The following ASXL3 variants were observed in gnomAD, a reference collection of about 807,000 sequenced individuals.
ASXL3 encodes ASXL transcriptional regulator 3.
A neutral mutation model predicts 170.6 loss-of-function variants in ASXL3; 34 were observed. The ratio of observed to expected loss-of-function variants is 0.20; its 90% CI spans 0.15 to 0.27. The LOEUF (loss-of-function observed/expected upper bound fraction) is 0.27, where lower values mean the gene tolerates loss of function less well. Ranked by LOEUF, ASXL3 falls within the 10% of genes least tolerant of loss-of-function variation. The pLI, the probability that ASXL3 is intolerant of heterozygous loss-of-function variation, is 1.00. For missense variants in ASXL3, 2,592 were observed against 2,695.3 expected (o/e 0.96, Z 0.85); for synonymous variants, 1,002 against 989.1 (o/e 1.01, Z -0.24).
intron 8 of ASXL3, among the ~76,000 whole-genome samples, chr18:33,688,545 A>G (rs568023983): frequency 2.0e-4 from 30 of 152,330 alleles, no homozygotes; most frequent in African/African-American, 7.0e-4. Flanking sequence ...CATAGTCATC[A>G]CAGAGAAGTA....
At chr18:33,644,656 T>C (rs2065893368) in intron 2 of ASXL3, among the ~76,000 whole-genome samples, 1 of 151,934 alleles carries the variant, frequency 6.6e-6, no homozygotes, top group South Asian at 2.1e-4. Flanking sequence ...AAGAGACTTT[T>C]GCCTGAAGCC....
rs774090991 is a variant in ASXL3 at position 33,739,395 on chromosome 18, A to G, written c.1991A>G (p.Gln664Arg). The G allele has an allele frequency of 1.2e-6, 2 of 1,613,854 alleles. No individual in the cohort carries two copies. Among genetic ancestry groups the G allele is most frequent in the South Asian group, 1.1e-5 (1 of 91,074 alleles). Residue 664 changes from glutamine (Q) to arginine (R), a missense_variant, in exon 11 of 12, where the codon CAG becomes CGG. Gln to Arg is a conservative substitution (Grantham distance 43). Around this residue, in one of 4 missense-constraint regions of ASXL3, gnomAD observed 2,246 missense variants for 2,219.6 expected, o/e 1.01. Transcript: ENST00000269197. ...ACTGAAAATACAGACAAATACAACC[A>G]GAGAAATTCCACTGATGAAAACTTT... is the stretch of plus-strand genomic sequence containing the variant. ...SSTENTDKYN[Q>R]RNSTDENFHA...
intron 2 of ASXL3, among the ~76,000 whole-genome samples, chr18:33,636,185 G>A (rs760822971): frequency 6.6e-6 from 1 of 152,112 alleles, no homozygotes; most frequent in Non-Finnish European, 1.5e-5. Flanking sequence ...TGGATTATAG[G>A]AGAGTGGTCT....
chr18:33,617,281 C>T (rs946889242), intron 2 of ASXL3, among the ~76,000 whole-genome samples: 11 of 152,060 alleles, frequency 7.2e-5, no homozygotes, highest in Non-Finnish European at 2.9e-5. Flanking sequence ...TGCTTAAGGT[C>T]AGGCCTTCAA....
At chr18:33,646,690 T>C (rs958548639) in intron 4 of ASXL3, among the ~76,000 whole-genome samples, 1 of 151,930 alleles carries the variant, frequency 6.6e-6, no homozygotes, top group Non-Finnish European at 1.5e-5. Flanking sequence ...AATGCTAATG[T>C]TTTATTTCTG....
At chr18:33,736,994 C>A (rs2067559631) in intron 10 of ASXL3, among the ~76,000 whole-genome samples, 1 of 152,246 alleles carries the variant, frequency 6.6e-6, no homozygotes, top group African/African-American at 2.4e-5. Context: ...CATACTTATT[C>A]TAGTATCAGT....
intron 1 of ASXL3, among the ~76,000 whole-genome samples, chr18:33,603,623 A>G (rs1330789595): frequency 6.6e-6 from 1 of 151,952 alleles, no homozygotes; most frequent in Non-Finnish European, 1.5e-5. Context: ...TAGATCCACC[A>G]CTAGGAAGGC....
intron 8 of ASXL3, among the ~76,000 whole-genome samples, chr18:33,709,978 G>A (rs563106295): frequency 5.5e-4 from 84 of 152,260 alleles, no homozygotes; most frequent in African/African-American, 1.4e-3. Context: ...CTGATGGGCC[G>A]GGTGCGGTGG....
chr18:33,578,627 C>T lies in ASXL3; in HGVS notation c.-5C>T. On this transcript the variant is annotated 5_prime_UTR_variant, in exon 1 of 12. The change creates a premature stop within an existing upstream ORF in the 5' untranslated region. Coordinates refer to ENST00000269197, the MANE Select transcript of ASXL3 (RefSeq NM_030632.3). ...CATCATCAGAACCATCAATGAGATG[C>T]AAACATGAAAGACAAGAGGAAGAAG... The T allele has an allele frequency of 7.4e-7, 1 of 1,346,960 alleles. No individual in the cohort carries two copies. The highest frequency in any genetic ancestry group is 9.8e-7 in the Non-Finnish European group (1 of 1,022,688). The allele number at this position is 1,346,960 out of a possible 1,614,324, so 83.4% of individuals were successfully genotyped here.
intron 1 of ASXL3, among the ~76,000 whole-genome samples, chr18:33,589,174 C>T (rs973413845): frequency 7.9e-5 from 12 of 152,132 alleles, no homozygotes; most frequent in Admixed American, 2.0e-4. Context: ...GAGAAAGTTA[C>T]ATAACATCTC....
At chr18:33,598,446 C>T (rs1021739232) in intron 1 of ASXL3, among the ~76,000 whole-genome samples, 1 of 152,132 alleles carries the variant, frequency 6.6e-6, no homozygotes, top group African/African-American at 2.4e-5. Context: ...CTATGTGAGA[C>T]ACTTCTCTTA....
In ASXL3 at chr18:33,739,212, C is replaced by A. The variant is rs762650572; in HGVS notation, c.1808C>A (p.Ser603Ter). 1.9e-6 allele frequency: 3 copies of A among 1,613,840 alleles called. No homozygotes were observed. Among genetic ancestry groups the A allele is most frequent in the Non-Finnish European group, 2.5e-6 (3 of 1,179,820 alleles). The change falls in exon 11 of 12, where the codon TCA becomes TAA. Residue 603 changes from serine (S) to a stop codon, truncating the protein, a stop_gained. Transcript: ENST00000269197. LOFTEE classifies it high-confidence loss of function. ...ELQSDPEEQL[S>*]ENACISETSF... ...CAGAGTGACCCTGAAGAACAGCTTT[C>A]AGAAAATGCCTGCATCTCTGAAACG...
At chr18:33,592,035 G>A (rs938697144) in intron 1 of ASXL3, among the ~76,000 whole-genome samples, 4 of 151,984 alleles carry the variant, frequency 2.6e-5, no homozygotes, top group Non-Finnish European at 5.9e-5. Context: ...CTTTAGTGGA[G>A]AATGAAATCC....
chr18:33,688,029 C>T (rs553709878), intron 8 of ASXL3, among the ~76,000 whole-genome samples: 5 of 152,176 alleles, frequency 3.3e-5, no homozygotes, highest in East Asian at 1.9e-4. Flanking sequence ...GATGGCTACC[C>T]GAATCAAGAT....
At chr18:33,734,848 GA>G (rs766037662) in intron 10 of ASXL3, among the ~76,000 whole-genome samples, 4 of 152,060 alleles carry the variant, frequency 2.6e-5, no homozygotes, top group Non-Finnish European at 5.9e-5. Context: ...TTCTTTTGGG[GA>G]GAGCCTGAAA....
At chr18:33,587,580 A>G (rs927391270) in intron 1 of ASXL3, among the ~76,000 whole-genome samples, 2 of 152,138 alleles carry the variant, frequency 1.3e-5, no homozygotes, top group Admixed American at 1.3e-4. Context: ...ACAGACTCAC[A>G]TGAAGTTGTA....
At chr18:33,589,007 T>C (rs1223439371) in intron 1 of ASXL3, among the ~76,000 whole-genome samples, 1 of 152,176 alleles carries the variant, frequency 6.6e-6, no homozygotes, top group East Asian at 1.9e-4. Context: ...GATCCTTGTT[T>C]TTAAATACTA....
At chr18:33,730,508 A>G (rs182939794) in intron 8 of ASXL3, among the ~76,000 whole-genome samples, 2 of 152,260 alleles carry the variant, frequency 1.3e-5, no homozygotes, top group East Asian at 3.9e-4. Flanking sequence ...TGCATAAACC[A>G]CACTGCAGAG....
intron 8 of ASXL3, among the ~76,000 whole-genome samples, chr18:33,688,367 C>T (rs550496896): frequency 3.3e-5 from 5 of 152,206 alleles, no homozygotes; most frequent in East Asian, 1.9e-4. Flanking sequence ...GAAGACAAGT[C>T]GAAATTGAGT....
Sources: gnomAD v4.1 joint callset for allele counts (sites outside exome capture counted in the v4.1 genomes callset) on GRCh38, gnomAD v4.1.1 for gene constraint, gnomAD v4.1.1 regional missense constraint, MANE v1.5 for transcripts, NCBI Gene and HGNC (gene_info 2026-07-23, HGNC 2026-07-21) for gene names.